ZHX3: variants seen among roughly 807,000 people sequenced by gnomAD.
ZHX3 encodes zinc fingers and homeoboxes 3, also known as zinc fingers and homeoboxes protein 3.
Under a neutral mutation model 64.5 loss-of-function variants are expected in ZHX3, and 20 were observed. The observed-to-expected ratio is 0.31, with a 90% CI of 0.22 to 0.45. The LOEUF (loss-of-function observed/expected upper bound fraction) is 0.45, where lower values mean the gene tolerates loss of function less well. ZHX3 is among the 20% of genes least tolerant of loss of function. The probability of loss-of-function intolerance (pLI) is 1.00; values close to 1 mark genes in which losing one functional copy is unlikely to be tolerated. For synonymous variants in ZHX3, 423 were observed against 461.6 expected (o/e 0.92, Z 1.07); for missense variants, 1,041 against 1,195.8 (o/e 0.87, Z 1.91).
chr20:41,264,777 C>G (rs80107558), intron 2 of ZHX3, among the ~76,000 whole-genome samples: 5 of 151,976 alleles, frequency 3.3e-5, no homozygotes, highest in African/African-American at 1.2e-4. Context: ...TCCGAACTTA[C>G]GCTCAAAAAT....
intron 3 of ZHX3, among the ~76,000 whole-genome samples, chr20:41,199,837 A>AT (rs2038075797): frequency 6.6e-6 from 1 of 151,734 alleles, no homozygotes; most frequent in African/African-American, 2.4e-5. Context: ...AATAGCTGGG[A>AT]TTACAGGCAC....
chr20:41,207,552 G>T (rs576997150), intron 2 of ZHX3, among the ~76,000 whole-genome samples: 1 of 152,224 alleles, frequency 6.6e-6, no homozygotes, highest in South Asian at 2.1e-4. Context: ...ACTCAAAACC[G>T]CTCAACTACA....
intron 1 of ZHX3, among the ~76,000 whole-genome samples, chr20:41,308,321 TAGTTCACTG>T (rs1250447664): frequency 2.6e-5 from 4 of 152,292 alleles, no homozygotes; most frequent in Admixed American, 6.5e-5. Context: ...TAGCTCCCTG[TAGTTCACTG>T]AGGAGAGGAG....
At chr20:41,251,854 C>T (rs1185494685) in intron 2 of ZHX3, among the ~76,000 whole-genome samples, 4 of 151,588 alleles carry the variant, frequency 2.6e-5, no homozygotes, top group African/African-American at 9.7e-5. Flanking sequence ...ATATATATAA[C>T]ATGGCTTTAC....
chr20:41,189,574 A>G (rs2036826492), intron 3 of ZHX3, among the ~76,000 whole-genome samples: 1 of 152,126 alleles, frequency 6.6e-6, no homozygotes, highest in Admixed American at 6.5e-5. Flanking sequence ...ATTCGTAAGT[A>G]TCTTTTTTTA....
chr20:41,305,420 A>G (rs1010978213), intron 1 of ZHX3, among the ~76,000 whole-genome samples: 7 of 151,752 alleles, frequency 4.6e-5, no homozygotes, highest in African/African-American at 1.5e-4. Flanking sequence ...TGATCCCAGG[A>G]GGTAGAAGCT....
chr20:41,314,593 A>C (rs1305928397), intron 1 of ZHX3, among the ~76,000 whole-genome samples: 2 of 152,244 alleles, frequency 1.3e-5, no homozygotes, highest in Non-Finnish European at 2.9e-5. Flanking sequence ...AGTGTGACAC[A>C]GGGATAACGC....
At position 41,231,943 on chromosome 20, in the gene ZHX3, T is replaced by G. The variant is rs919954440; in HGVS notation, c.-150-26877A>C. 2.0e-5 allele frequency among the ~76,000 whole-genome samples: 3 copies of G among 152,214 alleles called. No homozygotes were observed. In the East Asian group the frequency reaches 5.8e-4, roughly 29 times the overall value. ...TAAAGCACCTCCTAATGGTTAATGA[T>G]AGTGATTGGCCTGGAGATGTGGAAA... On this transcript the variant is annotated intron_variant, in intron 2 of 3. Coordinates refer to ENST00000683867, the MANE Select transcript of ZHX3 (RefSeq NM_001384317.1).
chr20:41,315,948 T>A (rs770850070), intron 1 of ZHX3, among the ~76,000 whole-genome samples: 6 of 151,670 alleles, frequency 4.0e-5, no homozygotes, highest in Non-Finnish European at 8.8e-5. Flanking sequence ...TTTAATGTTA[T>A]CTTTAAAAAG....
At position 41,204,783 on chromosome 20, in the gene ZHX3, G is replaced by T; in HGVS notation, c.134C>A (p.Ala45Glu). Residue 45 changes from alanine to glutamate, a missense_variant, in exon 3 of 4, where the codon GCA (alanine) becomes GAA (glutamate). This residue lies in a region of ZHX3 where 358 missense variants were observed against 369.1 expected (regional missense o/e 0.97). Transcript: ENST00000683867. This position sits in a 1 kb window ranked among gnomAD's most constrained non-coding sequence, Gnocchi z 6.6. The stretch of plus-strand genomic sequence containing the variant: ...TGCTGCCTCACTGCTGGCAGCAGAT[G>T]CTTCTGGGGGCAGATCCTGCTGGGG... ...EGPQQDLPPE[A>E]SAASSEAAQN... 1 of 1,613,898 alleles carries T rather than the reference G, an allele frequency of 6.2e-7. No homozygotes were observed. Among genetic ancestry groups the T allele is most frequent in the Non-Finnish European group, 8.5e-7 (1 of 1,179,788 alleles).
intron 3 of ZHX3, among the ~76,000 whole-genome samples, chr20:41,193,106 ACTCT>A (rs2037181836): frequency 6.6e-6 from 1 of 151,488 alleles, no homozygotes; most frequent in East Asian, 1.9e-4. Flanking sequence ...GTGATTATCT[ACTCT>A]CTATTTTTGT....
chr20:41,204,920 G>T lies in ZHX3; in HGVS notation c.-4C>A. The T allele has an allele frequency of 6.5e-7, 1 of 1,527,530 alleles. No homozygotes were observed. Among genetic ancestry groups the T allele is most frequent in the South Asian group, 1.3e-5 (1 of 76,092 alleles). 94.6% of individuals were successfully genotyped at this position (1,527,530 alleles called of 1,614,324 possible). A position where few individuals can be genotyped will look rare whatever the true frequency, so the allele number is the denominator to read the frequency against. On this transcript the variant is annotated 5_prime_UTR_variant, in exon 3 of 4. Coordinates refer to ENST00000683867, the MANE Select transcript of ZHX3 (RefSeq NM_001384317.1). This position sits in a 1 kb window ranked among gnomAD's most constrained non-coding sequence, Gnocchi z 6.6. ...TGGATTTCCTCTTGCTGGCCATGGT[G>T]ACAATCACTGGGTGATCAGCAGTTG...
intron 2 of ZHX3, among the ~76,000 whole-genome samples, chr20:41,240,523 T>C (rs2041310101): frequency 6.6e-6 from 1 of 152,184 alleles, no homozygotes; most frequent in Non-Finnish European, 1.5e-5. Context: ...CTCAAGTATT[T>C]ATCCTTTGAA....
intron 2 of ZHX3, among the ~76,000 whole-genome samples, chr20:41,245,191 C>T (rs1207809456): frequency 6.6e-6 from 1 of 152,150 alleles, no homozygotes; most frequent in Non-Finnish European, 1.5e-5. Context: ...TCATGTAATA[C>T]CTATATATGA....
At chr20:41,269,878 G>C (rs1429490171) in intron 1 of ZHX3, among the ~76,000 whole-genome samples, 2 of 145,138 alleles carry the variant, frequency 1.4e-5, no homozygotes, top group African/African-American at 2.6e-5. Context: ...CATTTTTTTT[G>C]CCCCTCAAAA....
Position 41,224,062 on chromosome 20 carries a change from T to C in ZHX3, c.-150-18996A>G, listed in dbSNP as rs2040114347. Among the ~76,000 whole-genome samples, 2 of 152,024 alleles carry C rather than the reference T, an allele frequency of 1.3e-5. No homozygotes were observed. The highest frequency in any genetic ancestry group is 1.3e-4 in the Admixed American group (2 of 15,256). On this transcript the variant is annotated intron_variant, in intron 2 of 3. Transcript: ENST00000683867. The surrounding 1 kb of genome is among the most constrained non-coding windows in gnomAD (Gnocchi z 5.2). ...GATATCCAATATACAAAACAAAAAA[T>C]AAATAAATAAAAGAACAAGCAAAAC...
chr20:41,197,999 C>CTTTTTTTTTTTTTT, intron 3 of ZHX3, among the ~76,000 whole-genome samples: 1 of 110,396 alleles, frequency 9.1e-6, no homozygotes, highest in Non-Finnish European at 1.7e-5. Flanking sequence ...AACTAGTGCT[C>CTTTTTTTTTTTTTT]TTTTTTTTTT....
chr20:41,285,599 A>C (rs1053373397), intron 1 of ZHX3, among the ~76,000 whole-genome samples: 2 of 152,284 alleles, frequency 1.3e-5, no homozygotes, highest in African/African-American at 2.4e-5. Context: ...AGTTTAATTT[A>C]CTGTATCAAT....
chr20:41,313,409 A>G (rs976217286), intron 1 of ZHX3, among the ~76,000 whole-genome samples: 3 of 152,052 alleles, frequency 2.0e-5, no homozygotes, highest in African/African-American at 7.3e-5. Flanking sequence ...ATTTAGAGAG[A>G]GAATATGATG....
Sources: allele counts gnomAD v4.1 joint callset (sites outside exome capture counted in the v4.1 genomes callset), GRCh38; gene constraint gnomAD v4.1.1; regional missense constraint gnomAD v4.1.1; non-coding constraint Gnocchi (gnomAD v3.1); transcripts MANE v1.5; gene names NCBI Gene and HGNC (gene_info 2026-07-23, HGNC 2026-07-21).